Variants in EIF4G3 observed in about 807,000 individuals in gnomAD.
EIF4G3 encodes the protein eIF-4-gamma 3.
A neutral mutation model predicts 186.4 loss-of-function variants in EIF4G3; 34 were observed. The ratio of observed to expected loss-of-function variants is 0.18; its 90% CI spans 0.14 to 0.24. The LOEUF is 0.24. Ranked by LOEUF, EIF4G3 falls within the 10% of genes least tolerant of loss-of-function variation. The probability of loss-of-function intolerance (pLI) is 1.00; values close to 1 mark genes in which losing one functional copy is unlikely to be tolerated. For missense variants in EIF4G3, 1,536 were observed against 1,948.5 expected (o/e 0.79, Z 3.99); for synonymous variants, 673 against 679.5 (o/e 0.99, Z 0.15).
At chr1:20,846,753 G>A (rs1449172135) in intron 29 of EIF4G3, among the ~76,000 whole-genome samples, 2 of 152,134 alleles carry the variant, frequency 1.3e-5, no homozygotes, top group African/African-American at 4.8e-5. Context: ...AAACATGCAC[G>A]GTGGGGTCAG....
chr1:21,058,294 A>G (rs561858268), intron 3 of EIF4G3, among the ~76,000 whole-genome samples: 1 of 152,242 alleles, frequency 6.6e-6, no homozygotes, highest in Admixed American at 6.5e-5. Flanking sequence ...AGATACTGAG[A>G]TACTCTCCTG....
intron 2 of EIF4G3, among the ~76,000 whole-genome samples, chr1:21,135,179 C>T (rs1380071005): frequency 1.3e-5 from 2 of 152,140 alleles, no homozygotes; most frequent in East Asian, 1.9e-4. Context: ...CAACACCACC[C>T]GCAGAGTCAC....
chr1:21,116,846 A>C (rs931026538), intron 2 of EIF4G3, among the ~76,000 whole-genome samples: 1 of 151,934 alleles, frequency 6.6e-6, no homozygotes, highest in Non-Finnish European at 1.5e-5. Flanking sequence ...CTCAAAAAAA[A>C]AAAAAAAAGC....
chr1:20,877,751 T>G lies in EIF4G3; in HGVS notation c.2622+1572A>C, dbSNP rs183141645. Among the ~76,000 whole-genome samples the G allele has an allele frequency of 1.3e-3, 199 of 152,352 alleles. 2 individuals carry two copies. The highest frequency in any genetic ancestry group is 0.01 in the Middle Eastern group (3 of 294). On this transcript the variant is annotated intron_variant, in intron 20 of 36. Coordinates refer to ENST00000602326, the MANE Select transcript of EIF4G3 (RefSeq NM_001391906.1). ...CAAGTGGTATGAATTAATCTCATTT[T>G]ATGGATTAAAAACAGGGGCTTAAAG...
intron 12 of EIF4G3, among the ~76,000 whole-genome samples, chr1:20,961,950 T>C (rs2096579547): frequency 6.6e-6 from 1 of 152,192 alleles, no homozygotes; most frequent in Non-Finnish European, 1.5e-5. Flanking sequence ...TGCTATTAAT[T>C]TATCAGTGCC....
chr1:20,828,025 TAA>T (rs2064066599), intron 31 of EIF4G3, among the ~76,000 whole-genome samples: 1 of 148,426 alleles, frequency 6.7e-6, no homozygotes. Context: ...GATGCTTTTA[TAA>T]AGTTTTTTTT....
At chr1:20,898,597 T>C (rs2089242720) in intron 16 of EIF4G3, among the ~76,000 whole-genome samples, 1 of 152,238 alleles carries the variant, frequency 6.6e-6, no homozygotes, top group Admixed American at 6.5e-5. Flanking sequence ...ATTAAATGTA[T>C]TAAATCCAAC....
chr1:20,809,020 C>T (rs781352943), intron 36 of EIF4G3, among the ~76,000 whole-genome samples: 4 of 151,822 alleles, frequency 2.6e-5, no homozygotes, highest in Non-Finnish European at 5.9e-5. Context: ...TTTGCCCAGG[C>T]TGGAGTGCAG....
In EIF4G3 at chr1:21,030,074, T is replaced by C. The variant is rs186135696; in HGVS notation, c.-67+20792A>G. Among the ~76,000 whole-genome samples the C allele has an allele frequency of 1.9e-3, 296 of 152,148 alleles. 1 individual carries two copies. Among genetic ancestry groups the C allele is most frequent in the Non-Finnish European group, 2.9e-3 (194 of 68,004 alleles). Reference sequence around the variant, plus strand: ...GGTCTTGCTTTGCTGGACCAGATGTTTGAGGCCCAGGATGGCCTCAAACTC... The same window carrying C: ...GGTCTTGCTTTGCTGGACCAGATGTCTGAGGCCCAGGATGGCCTCAAACTC... On this transcript the variant is annotated intron_variant, in intron 4 of 36. Coordinates refer to ENST00000602326, the MANE Select transcript of EIF4G3 (RefSeq NM_001391906.1).
chr1:21,053,402 G>A (rs1224165739), intron 3 of EIF4G3, among the ~76,000 whole-genome samples: 5 of 149,902 alleles, frequency 3.3e-5, no homozygotes, highest in African/African-American at 7.4e-5. Flanking sequence ...CAGCCGCCCC[G>A]TCTGGAAGGG....
chr1:20,953,246 G>A (rs1299117781), intron 12 of EIF4G3, among the ~76,000 whole-genome samples: 2 of 152,138 alleles, frequency 1.3e-5, no homozygotes, highest in African/African-American at 4.8e-5. Flanking sequence ...TGTTGCAACA[G>A]CTCATCAATT....
At chr1:20,899,419 C>T (rs1017860985) in intron 16 of EIF4G3, among the ~76,000 whole-genome samples, 1 of 152,138 alleles carries the variant, frequency 6.6e-6, no homozygotes, top group Non-Finnish European at 1.5e-5. Flanking sequence ...TTTTTAAAAT[C>T]AAACTGCACC....
chr1:21,176,735 A>G lies in EIF4G3; in HGVS notation c.-469T>C. The G allele has an allele frequency of 1.4e-6, 1 of 694,964 alleles. No homozygotes were observed. The highest frequency in any genetic ancestry group is 2.6e-6 in the Non-Finnish European group (1 of 381,754). The allele number at this position is 694,964 out of a possible 1,614,324, so 43.0% of individuals were successfully genotyped here. A position where few individuals can be genotyped will look rare whatever the true frequency, so the allele number is the denominator to read the frequency against. On this transcript the variant is annotated 5_prime_UTR_variant, in exon 1 of 37. Transcript: ENST00000602326. ...GAGAGACCGGACCTTTCACGGCAATATCCTCATGGGCCGGCGGCGGGGGAT... is the reference window on the plus strand; with the variant it reads ...GAGAGACCGGACCTTTCACGGCAATGTCCTCATGGGCCGGCGGCGGGGGAT...
At chr1:20,978,229 A>G (rs1035174188) in intron 10 of EIF4G3, among the ~76,000 whole-genome samples, 1 of 152,204 alleles carries the variant, frequency 6.6e-6, no homozygotes, top group African/African-American at 2.4e-5. Context: ...GGTAAGTCCA[A>G]GGATTACACA....
chr1:20,813,326 G>A, intron 34 of EIF4G3, 87 bp from the exon 35 acceptor site: 6 of 874,718 alleles, frequency 6.9e-6, no homozygotes, highest in Non-Finnish European at 3.6e-6. Context: ...CACTTTGGGA[G>A]GCCGAGACAG....
intron 36 of EIF4G3, 151 bp from the exon 37 acceptor site, chr1:20,807,651 G>T: frequency 1.9e-6 from 1 of 538,034 alleles, no homozygotes; most frequent in Non-Finnish European, 2.8e-6. Context: ...GCTCTTGACA[G>T]TATAAACAGC....
chr1:20,865,376 A>G (rs955617807), intron 20 of EIF4G3, 114 bp from the exon 21 acceptor site: 8 of 1,132,932 alleles, frequency 7.1e-6, no homozygotes, highest in African/African-American at 6.3e-5. Flanking sequence ...TAAGCATTCT[A>G]TAAGAGGCAA....
intron 2 of EIF4G3, among the ~76,000 whole-genome samples, chr1:21,159,380 C>T (rs1390639248): frequency 6.7e-6 from 1 of 149,892 alleles, no homozygotes; most frequent in Non-Finnish European, 1.5e-5. Context: ...TTTGAGATTG[C>T]AGTGAGCTAT....
intron 12 of EIF4G3, among the ~76,000 whole-genome samples, chr1:20,958,413 CAT>C (rs1335678893): frequency 1.3e-5 from 2 of 152,008 alleles, no homozygotes; most frequent in African/African-American, 4.8e-5. Context: ...TAGTAAAATC[CAT>C]ATATGACAAA....
Sources: gnomAD v4.1 joint callset for allele counts (sites outside exome capture counted in the v4.1 genomes callset) on GRCh38, gnomAD v4.1.1 for gene constraint, MANE v1.5 for transcripts, NCBI Gene and HGNC (gene_info 2026-07-23, HGNC 2026-07-21) for gene names.